SSR1: variants seen among roughly 807,000 people sequenced by gnomAD.
SSR1 encodes signal sequence receptor subunit 1.
Under a neutral mutation model 36.1 loss-of-function variants are expected in SSR1, and 13 were observed. The ratio of observed to expected loss-of-function variants is 0.36; its 90% CI spans 0.23 to 0.57. The LOEUF is 0.57. Among genes scored for constraint, SSR1 ranks in the 20% least tolerant of loss-of-function variants. The probability of loss-of-function intolerance (pLI) is 0.81; values close to 1 mark genes in which losing one functional copy is unlikely to be tolerated. For synonymous variants in SSR1, 113 were observed against 118.9 expected (o/e 0.95, Z 0.32); for missense variants, 291 against 338.5 (o/e 0.86, Z 1.10).
chr6:7,290,218 A>G (rs1294695506), intron 7 of SSR1, among the ~76,000 whole-genome samples: 3 of 152,266 alleles, frequency 2.0e-5, no homozygotes, highest in African/African-American at 7.2e-5. Flanking sequence ...AAAATCTTCA[A>G]TTCTATAACT....
chr6:7,294,410 G>A (rs551390393), intron 7 of SSR1, among the ~76,000 whole-genome samples: 26 of 152,242 alleles, frequency 1.7e-4, no homozygotes, highest in Non-Finnish European at 3.4e-4. Flanking sequence ...AAATAGGGCC[G>A]GGCGTGGTGG....
chr6:7,310,173 C>G (rs190715078), intron 1 of SSR1, 144 bp from the exon 2 acceptor site: 2 of 602,974 alleles, frequency 3.3e-6, no homozygotes, highest in Non-Finnish European at 5.9e-6. Flanking sequence ...TACAATGCAC[C>G]GAAGAATATT....
rs920387637 is a variant in SSR1, at chr6:7,288,828, A to G, written c.*1036T>C. 2.6e-5 allele frequency: 4 copies of G among 152,330 alleles called. No individual in the cohort carries two copies. The highest frequency in any genetic ancestry group is 9.7e-5 in the African/African-American group (4 of 41,446). 9.4% of individuals were successfully genotyped at this position (152,330 alleles called of 1,614,324 possible). The stretch of plus-strand genomic sequence containing the variant: ...ATTTTTGGAATCTTTCAGGTTAACT[A>G]AAAAGGTTATATCAACAAGCAAAAC... On this transcript the variant is annotated 3_prime_UTR_variant, in exon 8 of 8. Transcript: ENST00000244763.
At chr6:7,297,165 A>G (rs766388138) in intron 6 of SSR1, 3 of 312,972 alleles carry the variant, frequency 9.6e-6, no homozygotes, top group African/African-American at 2.3e-5. Flanking sequence ...GGTTGCAGTA[A>G]GCAAGATTGT....
chr6:7,305,634 G>A (rs755286722), intron 2 of SSR1, among the ~76,000 whole-genome samples: 4 of 152,200 alleles, frequency 2.6e-5, no homozygotes, highest in South Asian at 2.1e-4. Context: ...ACAAAATTCC[G>A]CAGGAAGAGA....
At chr6:7,306,150 C>T (rs971326939) in intron 2 of SSR1, among the ~76,000 whole-genome samples, 16 of 151,926 alleles carry the variant, frequency 1.1e-4, no homozygotes, top group African/African-American at 3.6e-4. Flanking sequence ...TTTTTTGAGA[C>T]GGAGTCTCGC....
intron 1 of SSR1, among the ~76,000 whole-genome samples, chr6:7,311,422 G>A (rs1022834038): frequency 1.3e-5 from 2 of 152,210 alleles, no homozygotes; most frequent in Non-Finnish European, 2.9e-5. Context: ...TAAGGACCAT[G>A]CATTTGCAGT....
At chr6:7,296,899 T>C (rs972286559) in intron 6 of SSR1, 2 of 153,582 alleles carry the variant, frequency 1.3e-5, no homozygotes, top group African/African-American at 4.8e-5. Context: ...GACTTGTTTA[T>C]TAATTAAGGA....
intron 1 of SSR1, among the ~76,000 whole-genome samples, chr6:7,312,816 G>A (rs376287837): frequency 1.7e-4 from 26 of 152,316 alleles, no homozygotes; most frequent in African/African-American, 5.8e-4. Context: ...AAGGTCGCCC[G>A]GGCACGGCCC....
chr6:7,309,848 T>C (rs1443855784), intron 2 of SSR1, 69 bp downstream of exon 2: 2 of 1,255,794 alleles, frequency 1.6e-6, no homozygotes, highest in Admixed American at 3.4e-5. Context: ...ATGTCTTTAT[T>C]AGCAGCATGA....
intron 4 of SSR1, among the ~76,000 whole-genome samples, chr6:7,300,222 AC>A (rs1757903490): frequency 6.6e-6 from 1 of 152,232 alleles, no homozygotes; most frequent in African/African-American, 2.4e-5. Flanking sequence ...TTTAACTCAG[AC>A]ACAAGGTAAA....
Position 7,283,122 on chromosome 6 carries a change from C to T in SSR1, c.*6742G>A, listed in dbSNP as rs748881549. The T allele has an allele frequency of 1.3e-5, 2 of 152,228 alleles. No homozygotes were observed. Among genetic ancestry groups the T allele is most frequent in the Admixed American group, 6.5e-5 (1 of 15,272 alleles). 9.4% of individuals were successfully genotyped at this position (152,228 alleles called of 1,614,324 possible). A position where few individuals can be genotyped will look rare whatever the true frequency, so the allele number is the denominator to read the frequency against. On this transcript the variant is annotated 3_prime_UTR_variant, in exon 8 of 8. Transcript: ENST00000244763. ...TTTGAGACAGTCTCACTCTGTCACC[C>T]AGGCTGGAGTGCAGTGGTGCAACCT...
At chr6:7,295,321 A>T (rs558760028) in intron 7 of SSR1, 71 bp downstream of exon 7, 44 of 1,283,158 alleles carry the variant, frequency 3.4e-5, no homozygotes, top group Non-Finnish European at 4.4e-5. Context: ...TTTTTTTTTT[A>T]AACTAAATCT....
At position 7,298,881 on chromosome 6, in the gene SSR1, T is replaced by C. The variant is rs1411597118; in HGVS notation, c.544-58A>G. 2.2e-6 allele frequency: 3 copies of C among 1,365,452 alleles called. 1 individual carries two copies. The highest frequency in any genetic ancestry group is 2.3e-5 in the South Asian group (2 of 85,258). The allele number at this position is 1,365,452 out of a possible 1,614,324, so 84.6% of individuals were successfully genotyped here. A position where few individuals can be genotyped will look rare whatever the true frequency, so the allele number is the denominator to read the frequency against. ...TAAATGCAATAAAGGAAGTAAAACATGTAACATTACTTAAAACAGTTACTC... is the reference window on the plus strand; with the variant it reads ...TAAATGCAATAAAGGAAGTAAAACACGTAACATTACTTAAAACAGTTACTC... On this transcript the variant is annotated intron_variant, in intron 4 of 7. Coordinates refer to ENST00000244763, the MANE Select transcript of SSR1 (RefSeq NM_003144.5).
chr6:7,299,055 C>T (rs1757867491), intron 4 of SSR1, among the ~76,000 whole-genome samples: 1 of 152,020 alleles, frequency 6.6e-6, no homozygotes, highest in African/African-American at 2.4e-5. Context: ...GCCTGTGGTC[C>T]CAGGTACTCG....
At position 7,289,946 on chromosome 6, in the gene SSR1, A is replaced by G; in HGVS notation, c.794-15T>C. 1.3e-6 allele frequency: 2 copies of G among 1,532,908 alleles called. No homozygotes were observed. Among genetic ancestry groups the G allele is most frequent in the South Asian group, 2.6e-5 (2 of 75,602 alleles). 95.0% of individuals were successfully genotyped at this position (1,532,908 alleles called of 1,614,324 possible). The stretch of plus-strand genomic sequence containing the variant: ...TGAAGCTTTATCTGGAAGAAAAGAG[A>G]AAGTTTTAAGCTTGCCTATTATAAG... On this transcript the variant is annotated splice_polypyrimidine_tract_variant and intron_variant, in intron 7 of 7. Transcript: ENST00000244763.
chr6:7,282,333 C>A lies in SSR1; in HGVS notation c.*7531G>T. On this transcript the variant is annotated 3_prime_UTR_variant, in exon 8 of 8. Coordinates refer to ENST00000244763, the MANE Select transcript of SSR1 (RefSeq NM_003144.5). ...GCCAGGAGGTGTCCAATTAGACGGG[C>A]ACAAGAGAAAAACAGCCAGAGACCG... 6.6e-6 allele frequency: 1 copy of A among 152,272 alleles called. No individual in the cohort carries two copies. 9.4% of individuals were successfully genotyped at this position (152,272 alleles called of 1,614,324 possible).
Position 7,289,389 on chromosome 6 carries a change from C to G in SSR1, c.*475G>C, listed in dbSNP as rs1043448873. On this transcript the variant is annotated 3_prime_UTR_variant, in exon 8 of 8. Coordinates refer to ENST00000244763, the MANE Select transcript of SSR1 (RefSeq NM_003144.5). ...TAGAATACTAATTGTAATACAGTAA[C>G]AACAACAAAATGCTGATTTGTGCCA... The G allele has an allele frequency of 2.6e-5, 4 of 155,690 alleles. No homozygotes were observed. The highest frequency in any genetic ancestry group is 5.7e-5 in the Non-Finnish European group (4 of 70,458). 9.6% of individuals were successfully genotyped at this position (155,690 alleles called of 1,614,324 possible). A position where few individuals can be genotyped will look rare whatever the true frequency, so the allele number is the denominator to read the frequency against.
rs1757840543 is a variant in SSR1, at chr6:7,297,970, C to A, written c.652G>T (p.Gly218Trp). The A allele has an allele frequency of 1.9e-6, 3 of 1,613,306 alleles. No individual in the cohort carries two copies. The highest frequency in any genetic ancestry group is 1.7e-6 in the Non-Finnish European group (2 of 1,179,600). The change falls in exon 6 of 8, where the codon GGG becomes TGG. Residue 218 changes from glycine (G) to tryptophan (W), a missense_variant. Physicochemically the swap from Gly to Trp is radical, Grantham distance 184. Coordinates refer to ENST00000244763, the MANE Select transcript of SSR1 (RefSeq NM_003144.5). ...TGAAGGCCAACAATAACCAGAAGCC[C>A]AAGACCAGCAAGGAACATATACATA... ...IFMYMFLAGL[G>W]LLVIVGLHQL...
Sources: gnomAD v4.1 joint callset for allele counts (sites outside exome capture counted in the v4.1 genomes callset) on GRCh38, gnomAD v4.1.1 for gene constraint, MANE v1.5 for transcripts, NCBI Gene and HGNC (gene_info 2026-07-23, HGNC 2026-07-21) for gene names.